Variants in RASSF3 observed in about 807,000 individuals in gnomAD.
The protein encoded by RASSF3 is ras association domain-containing protein 3.
In RASSF3, 19 loss-of-function variants were observed where a neutral mutation model predicts 19.9. The observed-to-expected ratio is 0.96, with a 90% confidence interval of 0.67 to 1.40. The LOEUF (loss-of-function observed/expected upper bound fraction) is 1.40, where lower values mean the gene tolerates loss of function less well. Among genes scored for constraint, RASSF3 ranks in the 40% most tolerant of loss-of-function variants. The pLI, the probability that RASSF3 is intolerant of heterozygous loss-of-function variation, is 0.00. For missense variants in RASSF3, 306 were observed against 289.8 expected (o/e 1.06, Z -0.41); for synonymous variants, 110 against 104.2 (o/e 1.06, Z -0.34).
At position 64,657,213 on chromosome 12, in the gene RASSF3, C is replaced by T. The variant is rs1422059193; in HGVS notation, c.112-27574C>T. 3.9e-5 allele frequency among the ~76,000 whole-genome samples: 6 copies of T among 151,992 alleles called. No individual in the cohort carries two copies. The East Asian group carries it at 5.8e-4, about 15-fold the overall frequency. The stretch of plus-strand genomic sequence containing the variant: ...TTTTAGTAGAGTTGGGGTTTCGCCA[C>T]GTGGGCCAGGATGGTCTCGAACTCC... On this transcript the variant is annotated intron_variant, in intron 1 of 4. Coordinates refer to ENST00000542104, the MANE Select transcript of RASSF3 (RefSeq NM_178169.4).
chr12:64,691,207 A>G (rs1342958317), intron 3 of RASSF3, among the ~76,000 whole-genome samples: 1 of 152,206 alleles, frequency 6.6e-6, no homozygotes, highest in Non-Finnish European at 1.5e-5. Context: ...CTATAAGCAT[A>G]TTTTGGGACT....
chr12:64,691,611 T>C (rs766806105), intron 4 of RASSF3, 32 bp downstream of exon 4: 16 of 1,217,498 alleles, frequency 1.3e-5, no homozygotes, highest in Non-Finnish European at 1.8e-5. Context: ...CTTTAAACTA[T>C]ACAGAACAGC....
At chr12:64,615,663 C>T (rs1330132876) in intron 1 of RASSF3, among the ~76,000 whole-genome samples, 1 of 151,244 alleles carries the variant, frequency 6.6e-6, no homozygotes, top group East Asian at 1.9e-4. Flanking sequence ...GGTATTTTGA[C>T]TCTACTAGCC....
chr12:64,636,396 G>A (rs1592435310), intron 1 of RASSF3, among the ~76,000 whole-genome samples: 1 of 152,020 alleles, frequency 6.6e-6, no homozygotes, highest in African/African-American at 2.4e-5. Context: ...TTACAGGCAT[G>A]AGCCACTGCA....
intron 1 of RASSF3, among the ~76,000 whole-genome samples, chr12:64,680,317 T>C (rs1471277549): frequency 2.6e-5 from 4 of 152,086 alleles, no homozygotes; most frequent in African/African-American, 9.7e-5. Context: ...TTCTTTGCTA[T>C]GAGACCCAGA....
At chr12:64,534,836 T>A (rs996038324) in intron 1 of RASSF3, among the ~76,000 whole-genome samples, 31 of 152,192 alleles carry the variant, frequency 2.0e-4, no homozygotes, top group African/African-American at 7.0e-4. Context: ...GTTGCCAGGC[T>A]GTGTGTTTGC....
chr12:64,536,545 T>C (rs752537703), intron 1 of RASSF3, among the ~76,000 whole-genome samples: 1 of 152,124 alleles, frequency 6.6e-6, no homozygotes, highest in African/African-American at 2.4e-5. Flanking sequence ...CACACATAAA[T>C]AATAACATAA....
chr12:64,697,502 T>G lies in RASSF3; in HGVS notation c.*2590T>G, dbSNP rs974852773. On this transcript the variant is annotated 3_prime_UTR_variant, in exon 5 of 5. Coordinates refer to ENST00000542104, the MANE Select transcript of RASSF3 (RefSeq NM_178169.4). ...AGTTTATTTTTGTAGGGAAGATTTT[T>G]CTCCCCTAAAATAGTTTCTAGAATG... The G allele has an allele frequency of 6.6e-6, 1 of 152,298 alleles. No homozygotes were observed. The highest frequency in any genetic ancestry group is 2.4e-5 in the African/African-American group (1 of 41,566). 9.4% of individuals were successfully genotyped at this position (152,298 alleles called of 1,614,324 possible).
intron 1 of RASSF3, among the ~76,000 whole-genome samples, chr12:64,512,189 C>T (rs916788174): frequency 1.3e-5 from 2 of 152,204 alleles, no homozygotes; most frequent in Admixed American, 6.5e-5. Flanking sequence ...AGCATGGATG[C>T]TCTGGTGTCT....
chr12:64,570,888 G>A (rs1053548140), intron 2 of RASSF3, among the ~76,000 whole-genome samples: 8 of 152,134 alleles, frequency 5.3e-5, no homozygotes, highest in African/African-American at 1.9e-4. Flanking sequence ...AACCTTGGGG[G>A]ACTCAAGTCA....
intron 2 of RASSF3, among the ~76,000 whole-genome samples, chr12:64,593,582 C>G (rs761731945): frequency 6.6e-6 from 1 of 152,110 alleles, no homozygotes; most frequent in Non-Finnish European, 1.5e-5. Context: ...CAACAAATAT[C>G]TCATAATTCT....
chr12:64,616,463 T>C (rs1265368510), intron 1 of RASSF3, among the ~76,000 whole-genome samples: 1 of 152,218 alleles, frequency 6.6e-6, no homozygotes, highest in Non-Finnish European at 1.5e-5. Flanking sequence ...CTCTTAGCCC[T>C]GGGCATTAGC....
intron 1 of RASSF3, among the ~76,000 whole-genome samples, chr12:64,634,520 C>T (rs1245173): frequency 0.49 from 74,184 of 151,570 alleles, 18,322 homozygotes; most frequent in Non-Finnish European, 0.52. Flanking sequence ...ATTGTCCCCA[C>T]AAACTTTTCA....
intron 1 of RASSF3, among the ~76,000 whole-genome samples, chr12:64,649,104 C>G (rs1871845552): frequency 6.7e-6 from 1 of 150,062 alleles, no homozygotes; most frequent in South Asian, 2.1e-4. Flanking sequence ...ATGAGTCCAG[C>G]TACTCATACA....
At chr12:64,653,569 C>CT (rs553892821) in intron 1 of RASSF3, among the ~76,000 whole-genome samples, 2,135 of 145,814 alleles carry the variant, frequency 0.015, 51 homozygotes, top group African/African-American at 0.046. Flanking sequence ...TCAGCAGTAT[C>CT]TTTTTTTTTT....
chr12:64,693,738 A>T (rs531331592), intron 4 of RASSF3, among the ~76,000 whole-genome samples: 1 of 152,284 alleles, frequency 6.6e-6, no homozygotes, highest in East Asian at 1.9e-4. Context: ...CAGCCTAAAA[A>T]CTTATTTTGT....
chr12:64,520,557 T>TAC (rs1474890262), intron 1 of RASSF3, among the ~76,000 whole-genome samples: 2 of 15,052 alleles, frequency 1.3e-4, no homozygotes, highest in Non-Finnish European at 2.2e-4. Flanking sequence ...CATACACACA[T>TAC]ATATATATAT....
chr12:64,510,583 G>A (rs1228680238), intron 1 of RASSF3, among the ~76,000 whole-genome samples: 1 of 152,100 alleles, frequency 6.6e-6, no homozygotes, highest in African/African-American at 2.4e-5. Context: ...CTCCCAAATG[G>A]CTTTACTCCC....
upstream of RASSF3, among the ~76,000 whole-genome samples, chr12:64,606,313 A>G (rs996348306): frequency 6.6e-6 from 1 of 152,206 alleles, no homozygotes; most frequent in Non-Finnish European, 1.5e-5. Context: ...GGGATTCTTG[A>G]ATTAAAGTCC....
Sources: allele counts gnomAD v4.1 joint callset (sites outside exome capture counted in the v4.1 genomes callset), GRCh38; gene constraint gnomAD v4.1.1; transcripts MANE v1.5; gene names NCBI Gene and HGNC (gene_info 2026-07-23, HGNC 2026-07-21).